UQCC6: variants seen among roughly 807,000 people sequenced by gnomAD.
The protein encoded by UQCC6 is ubiquinol-cytochrome c reductase complex assembly factor 6, also known as protein BRAWNIN.
the UQCC6 span, among the ~76,000 whole-genome samples, chr12:103,959,824 A>C: frequency 1.6e-5 from 1 of 63,340 alleles, no homozygotes; most frequent in East Asian, 4.7e-4. Flanking sequence ...TTTTTTTTTG[A>C]GATGGAGTCT....
the UQCC6 span, chr12:103,956,402 C>A: frequency 2.1e-6 from 1 of 479,066 alleles, no homozygotes; most frequent in Non-Finnish European, 3.8e-6. Flanking sequence ...CTGTGTAAGA[C>A]CTCACAGGCC....
the UQCC6 span, among the ~76,000 whole-genome samples, chr12:103,961,925 C>A: frequency 5.3e-5 from 8 of 152,244 alleles, no homozygotes; most frequent in South Asian, 1.7e-3. Flanking sequence ...GTTACAATTG[C>A]CTACAGTATT....
the UQCC6 span, among the ~76,000 whole-genome samples, chr12:103,961,849 C>G: frequency 1.3e-5 from 2 of 152,122 alleles, no homozygotes; most frequent in Admixed American, 6.6e-5. Flanking sequence ...CGTGAGCCAC[C>G]GTGCTGGGCC....
chr12:103,958,046 G>GTA, the UQCC6 span, among the ~76,000 whole-genome samples: 46 of 133,050 alleles, frequency 3.5e-4, no homozygotes, highest in African/African-American at 1.2e-3. Flanking sequence ...AAATATATAT[G>GTA]TATATATATA....
the UQCC6 span, chr12:103,953,404 C>T: frequency 1.4e-6 from 1 of 702,282 alleles, no homozygotes; most frequent in Non-Finnish European, 2.6e-6. Flanking sequence ...AGCTGGACAA[C>T]TAAAAGCACC....
the UQCC6 span, among the ~76,000 whole-genome samples, chr12:103,964,079 C>G: frequency 6.9e-6 from 1 of 144,694 alleles, no homozygotes; most frequent in Non-Finnish European, 1.5e-5. Flanking sequence ...TTTGCTGCAA[C>G]TGCTTCACCA....
At chr12:103,954,388 T>A in the UQCC6 span, among the ~76,000 whole-genome samples, 1 of 152,228 alleles carries the variant, frequency 6.6e-6, no homozygotes, top group Non-Finnish European at 1.5e-5. Flanking sequence ...TCAGTCCAGC[T>A]TCCGGTGAGG....
chr12:103,964,943 A>G, the UQCC6 span, among the ~76,000 whole-genome samples: 4 of 152,228 alleles, frequency 2.6e-5, no homozygotes, highest in African/African-American at 9.7e-5. Context: ...TGAAGAAAAT[A>G]CATGGAGCAC....
the UQCC6 span, among the ~76,000 whole-genome samples, chr12:103,957,508 A>T: frequency 2.8e-4 from 43 of 152,202 alleles, no homozygotes; most frequent in African/African-American, 9.6e-4. Flanking sequence ...GTGGAGTCAC[A>T]CATTGAGCAT....
At chr12:103,953,369 T>C in the UQCC6 span, 2 of 701,950 alleles carry the variant, frequency 2.8e-6, no homozygotes, top group Admixed American at 4.0e-5. Flanking sequence ...AACAGAGTCA[T>C]CTCCTTTGCT....
chr12:103,951,594 T>A, the UQCC6 span: 1 of 1,548,666 alleles, frequency 6.5e-7, no homozygotes. Context: ...AGCTCCGTTT[T>A]GAGTTCTCCA....
chr12:103,956,520 G>A, the UQCC6 span: 38 of 700,956 alleles, frequency 5.4e-5, no homozygotes, highest in African/African-American at 5.4e-4. Context: ...GGAGAATGGA[G>A]TGGTCCAGGA....
chr12:103,954,982 T>G, the UQCC6 span: 1 of 700,768 alleles, frequency 1.4e-6, no homozygotes, highest in South Asian at 1.5e-5. Flanking sequence ...AAAACAGAAA[T>G]AACACCTTCA....
At chr12:103,958,421 CA>C in the UQCC6 span, among the ~76,000 whole-genome samples, 1 of 152,118 alleles carries the variant, frequency 6.6e-6, no homozygotes, top group Non-Finnish European at 1.5e-5. Context: ...CCAAGACCCT[CA>C]AAAGTTTCTT....
At chr12:103,955,625 T>C in the UQCC6 span, 1 of 404,414 alleles carries the variant, frequency 2.5e-6, no homozygotes. Flanking sequence ...GAATGAGACC[T>C]GTCTAATTTT....
chr12:103,956,523 G>T, the UQCC6 span: 1 of 744,324 alleles, frequency 1.3e-6, no homozygotes, highest in Non-Finnish European at 2.3e-6. Flanking sequence ...GAATGGAGTG[G>T]TCCAGGAGCA....
the UQCC6 span, chr12:103,956,536 T>G: frequency 2.9e-5 from 23 of 804,982 alleles, no homozygotes; most frequent in East Asian, 6.3e-4. Context: ...CAGGAGCATC[T>G]GCATTGCTAT....
chr12:103,952,686 C>A, the UQCC6 span, among the ~76,000 whole-genome samples: 62,347 of 152,030 alleles, frequency 0.41, 14,037 homozygotes, highest in African/African-American at 0.59. Flanking sequence ...ACTTGTTACT[C>A]TCTGTTTTAC....
the UQCC6 span, chr12:103,956,560 A>C: frequency 9.6e-7 from 1 of 1,045,868 alleles, no homozygotes; most frequent in Non-Finnish European, 1.5e-6. Context: ...GGAATGCCTA[A>C]GGCTGGGTAA....
Sources: gnomAD v4.1 joint callset for allele counts (sites outside exome capture counted in the v4.1 genomes callset) on GRCh38, gnomAD v4.1.1 for gene constraint, MANE v1.5 for transcripts, NCBI Gene and HGNC (gene_info 2026-07-23, HGNC 2026-07-21) for gene names.